UQCC1: variants seen among roughly 807,000 people sequenced by gnomAD.
The protein encoded by UQCC1 is bFGF-repressed Zic-binding protein.
In UQCC1, 38 loss-of-function variants were observed where a neutral mutation model predicts 48.0. The observed-to-expected ratio is 0.79, with a 90% CI of 0.61 to 1.04. The LOEUF (loss-of-function observed/expected upper bound fraction) is 1.04. UQCC1 is among the 50% of genes least tolerant of loss of function. UQCC1 has a pLI of 0.00. For missense variants in UQCC1, 368 were observed against 381.8 expected (o/e 0.96, Z 0.30); for synonymous variants, 111 against 129.2 (o/e 0.86, Z 0.95).
intron 9 of UQCC1, among the ~76,000 whole-genome samples, chr20:35,304,453 A>G (rs959187341): frequency 6.6e-6 from 1 of 152,082 alleles, no homozygotes; most frequent in Non-Finnish European, 1.5e-5. Flanking sequence ...CCACCCCAGC[A>G]CTGCTGGGTG....
At chr20:35,329,626 G>A (rs1010197845) in intron 7 of UQCC1, among the ~76,000 whole-genome samples, 1 of 152,128 alleles carries the variant, frequency 6.6e-6, no homozygotes, top group Non-Finnish European at 1.5e-5. Context: ...GCACACCCAG[G>A]GCAGCTGAAA....
intron 4 of UQCC1, among the ~76,000 whole-genome samples, chr20:35,379,101 C>A (rs900317792): frequency 6.6e-6 from 1 of 152,134 alleles, no homozygotes; most frequent in Non-Finnish European, 1.5e-5. Context: ...TGGCATGTGG[C>A]TGAGTTGGGT....
chr20:35,354,801 C>G (rs2061527701), intron 6 of UQCC1, among the ~76,000 whole-genome samples: 1 of 152,194 alleles, frequency 6.6e-6, no homozygotes, highest in South Asian at 2.1e-4. Flanking sequence ...TTTAACATCA[C>G]AGATAGATTC....
intron 7 of UQCC1, among the ~76,000 whole-genome samples, chr20:35,326,659 G>A (rs2061198501): frequency 6.6e-6 from 1 of 152,144 alleles, no homozygotes; most frequent in Non-Finnish European, 1.5e-5. Flanking sequence ...TCTGATTACC[G>A]TCAGCAAGAA....
In UQCC1 at chr20:35,385,527, G is replaced by C. The variant is rs6120932; in HGVS notation, c.130-1394C>G. Among the ~76,000 whole-genome samples the C allele has an allele frequency of 2.0e-5, 3 of 152,086 alleles. No homozygotes were observed. In the East Asian group the frequency reaches 5.8e-4, roughly 29 times the overall value. Reference sequence around the variant, plus strand: ...GTTTTGTTTTTGTTTTTTGAGACAAGGTCTGGCTCTATGGCCCAGGCTGGA... The same window carrying C: ...GTTTTGTTTTTGTTTTTTGAGACAACGTCTGGCTCTATGGCCCAGGCTGGA... On this transcript the variant is annotated intron_variant, in intron 2 of 9. Transcript: ENST00000374385.
intron 6 of UQCC1, 130 bp downstream of exon 6, chr20:35,366,427 T>C (rs2061666829): frequency 2.7e-6 from 2 of 730,764 alleles, no homozygotes; most frequent in East Asian, 2.7e-5. Context: ...GTTATTAAAA[T>C]GAAAGGAACA....
chr20:35,395,467 C>A (rs551419403), intron 1 of UQCC1, among the ~76,000 whole-genome samples: 2 of 151,358 alleles, frequency 1.3e-5, no homozygotes, highest in Admixed American at 6.6e-5. Context: ...CAAAAAAAAA[C>A]CCATAAACTC....
intron 6 of UQCC1, among the ~76,000 whole-genome samples, chr20:35,359,107 A>G (rs1407448114): frequency 3.9e-5 from 6 of 152,200 alleles, no homozygotes; most frequent in African/African-American, 1.4e-4. Flanking sequence ...ATATCAAATA[A>G]TAAAGGGCTG....
chr20:35,374,774 C>A (rs1371811979), intron 4 of UQCC1, among the ~76,000 whole-genome samples: 1 of 152,000 alleles, frequency 6.6e-6, no homozygotes, highest in Non-Finnish European at 1.5e-5. Context: ...CTGATTAACA[C>A]TGTGTCTGTA....
At chr20:35,399,321 C>T (rs1417807257) in intron 1 of UQCC1, among the ~76,000 whole-genome samples, 3 of 152,196 alleles carry the variant, frequency 2.0e-5, no homozygotes, top group Non-Finnish European at 4.4e-5. Flanking sequence ...CAAAAGCTTG[C>T]AGTGGTTTCC....
intron 7 of UQCC1, among the ~76,000 whole-genome samples, chr20:35,333,832 GTTTC>G (rs1451794097): frequency 3.3e-5 from 5 of 151,618 alleles, no homozygotes; most frequent in South Asian, 4.2e-4. Flanking sequence ...GTTAACAAGA[GTTTC>G]TTTATTACTG....
intron 7 of UQCC1, among the ~76,000 whole-genome samples, chr20:35,343,474 T>C (rs2061402464): frequency 6.6e-6 from 1 of 152,198 alleles, no homozygotes; most frequent in South Asian, 2.1e-4. Flanking sequence ...ACACATGCAC[T>C]CACACTCATC....
At chr20:35,359,616 T>G (rs1429232425) in intron 6 of UQCC1, among the ~76,000 whole-genome samples, 1 of 152,156 alleles carries the variant, frequency 6.6e-6, no homozygotes, top group Admixed American at 6.5e-5. Flanking sequence ...TTCTCCCACA[T>G]GATAGTTTAT....
chr20:35,400,858 G>T (rs1238204426), intron 1 of UQCC1, among the ~76,000 whole-genome samples: 1 of 152,128 alleles, frequency 6.6e-6, no homozygotes, highest in Non-Finnish European at 1.5e-5. Context: ...TAATTGCAGT[G>T]ATTTTTACAT....
intron 7 of UQCC1, among the ~76,000 whole-genome samples, chr20:35,331,950 A>G (rs2061262177): frequency 6.6e-6 from 1 of 152,248 alleles, no homozygotes; most frequent in Admixed American, 6.5e-5. Flanking sequence ...AAGTCACATA[A>G]CTGTGCGTGA....
At position 35,306,478 on chromosome 20, in the gene UQCC1, G is replaced by A. The variant is rs541691416; in HGVS notation, c.765+188C>T. Reference sequence around the variant, plus strand: ...CTTTCTCTCTCTCTTCCCATTTCCCGCTCCCTGGCCCAGTTCATGGTTGGA... The same window carrying A: ...CTTTCTCTCTCTCTTCCCATTTCCCACTCCCTGGCCCAGTTCATGGTTGGA... On this transcript the variant is annotated intron_variant, in intron 9 of 9. Coordinates refer to ENST00000374385, the MANE Select transcript of UQCC1 (RefSeq NM_018244.5). The A allele has an allele frequency of 3.5e-5, 20 of 568,248 alleles. 1 individual carries two copies. Among genetic ancestry groups the A allele is most frequent in the South Asian group, 3.1e-4 (15 of 48,944 alleles). The allele number at this position is 568,248 out of a possible 1,614,324, so 35.2% of individuals were successfully genotyped here.
chr20:35,316,027 T>G (rs569055221), intron 7 of UQCC1, among the ~76,000 whole-genome samples: 1 of 152,284 alleles, frequency 6.6e-6, no homozygotes, highest in South Asian at 2.1e-4. Flanking sequence ...GCTGAATGCC[T>G]TCAATAGGGT....
chr20:35,329,203 T>C (rs2061230281), intron 7 of UQCC1, among the ~76,000 whole-genome samples: 2 of 152,280 alleles, frequency 1.3e-5, no homozygotes, highest in African/African-American at 4.8e-5. Flanking sequence ...TTTAGGATGA[T>C]TAGTCAGGCT....
At chr20:35,321,664 G>C (rs2061131783) in intron 7 of UQCC1, among the ~76,000 whole-genome samples, 1 of 151,920 alleles carries the variant, frequency 6.6e-6, no homozygotes, top group African/African-American at 2.4e-5. Context: ...AGACTAGCCT[G>C]GACAAAAAAG....
Sources: gnomAD v4.1 joint callset for allele counts (sites outside exome capture counted in the v4.1 genomes callset) on GRCh38, gnomAD v4.1.1 for gene constraint, MANE v1.5 for transcripts, NCBI Gene and HGNC (gene_info 2026-07-23, HGNC 2026-07-21) for gene names.